CENPF: variants seen among roughly 807,000 people sequenced by gnomAD.
The protein encoded by CENPF is AH antigen.
A neutral mutation model predicts 307.3 loss-of-function variants in CENPF; 214 were observed. That is an observed-to-expected ratio of 0.70 (90% CI 0.62 to 0.78). The LOEUF (loss-of-function observed/expected upper bound fraction) is 0.78, where lower values mean the gene tolerates loss of function less well. Among genes scored for constraint, CENPF ranks in the 30% least tolerant of loss-of-function variants. CENPF has a pLI of 0.00. For synonymous variants in CENPF, 1,259 were observed against 1,270.6 expected, an observed-to-expected ratio of 0.99 and a Z score of 0.19; for missense variants, 3,401 against 3,483.9, an observed-to-expected ratio of 0.98 and a Z score of 0.60.
chr1:214,652,742 T>C lies in CENPF; in HGVS notation c.8161-86T>C, dbSNP rs12061121. 7.5e-3 allele frequency: 8,917 copies of C among 1,189,396 alleles called. 514 individuals carry two copies. The African/African-American group carries it at 0.12, about 16-fold the overall frequency. The allele number at this position is 1,189,396 out of a possible 1,614,324, so 73.7% of individuals were successfully genotyped here. ...ACAGGTGTGAAACACTGCGCCCAGCTGTTTTTTGTTTTTCTGACTATTTTT... is the reference window on the plus strand; with the variant it reads ...ACAGGTGTGAAACACTGCGCCCAGCCGTTTTTTGTTTTTCTGACTATTTTT... On this transcript the variant is annotated intron_variant, in intron 15 of 19. Transcript: ENST00000366955.
chr1:214,604,466 T>A (rs531713386), intron 1 of CENPF, among the ~76,000 whole-genome samples: 1 of 152,310 alleles, frequency 6.6e-6, no homozygotes, highest in East Asian at 1.9e-4. Context: ...CAAAATCTGC[T>A]CTAATCACAG....
At chr1:214,616,833 TCC>T (rs1657352996) in intron 3 of CENPF, among the ~76,000 whole-genome samples, 3 of 147,810 alleles carry the variant, frequency 2.0e-5, no homozygotes, top group African/African-American at 5.1e-5. Flanking sequence ...TTTCCTTCCT[TCC>T]TCTTTCTTTC....
chr1:214,663,816 C>T lies in CENPF; in HGVS notation c.*22C>T. 1 of 1,595,402 alleles carries T rather than the reference C, an allele frequency of 6.3e-7. No individual in the cohort carries two copies. Among genetic ancestry groups the T allele is most frequent in the South Asian group, 1.1e-5 (1 of 90,016 alleles). Reference sequence around the variant, plus strand: ...GTGAAGGCACTTTGTGTGTCAGTACCCCTGGGAGGTGCCAGTCATTGAATA... The same window carrying T: ...GTGAAGGCACTTTGTGTGTCAGTACTCCTGGGAGGTGCCAGTCATTGAATA... On this transcript the variant is annotated 3_prime_UTR_variant, in exon 20 of 20. Transcript: ENST00000366955.
At position 214,652,068 on chromosome 1, in the gene CENPF, A is replaced by AT. The variant is rs35011701; in HGVS notation, c.8160+200dup. On this transcript the variant is annotated intron_variant, in intron 15 of 19. Coordinates refer to ENST00000366955, the MANE Select transcript of CENPF (RefSeq NM_016343.4). ...GGTCCCTCTCTTATTTTATCAGTTGATTTTTTTTTTTTTTTTTTGAGATGG... is the reference window on the plus strand; with the variant it reads ...GGTCCCTCTCTTATTTTATCAGTTGATTTTTTTTTTTTTTTTTTTGAGATGG... Among the ~76,000 whole-genome samples the AT allele has an allele frequency of 0.098, 12,446 of 127,028 alleles. 784 individuals are homozygous for AT. The highest frequency in any genetic ancestry group is 0.13 in the Non-Finnish European group (8,130 of 60,250). The allele number at this position is 127,028 out of a possible 152,430, so 83.3% of individuals were successfully genotyped here.
At chr1:214,657,979 T>A (rs954939911) in intron 18 of CENPF, among the ~76,000 whole-genome samples, 147 of 152,352 alleles carry the variant, frequency 9.6e-4, no homozygotes, top group African/African-American at 3.4e-3. Context: ...TCCAAGCACA[T>A]ATCATGTTTT....
At position 214,622,276 on chromosome 1, in the gene CENPF, A is replaced by G. The variant is rs753110025; in HGVS notation, c.1063A>G (p.Thr355Ala). ...AACAGCACAATACGACCAGGCGTCA[A>G]CCAAGGTACTTGACTTTTCGTGAAT... ...RTTAQYDQAS[T>A]KYTALEQKLK... The change falls in exon 7 of 20, where the codon ACC (threonine) becomes GCC (alanine). Residue 355 changes from threonine to alanine, a missense_variant. Transcript: ENST00000366955. The G allele has an allele frequency of 2.5e-6, 4 of 1,602,814 alleles. No individual in the cohort carries two copies. The highest frequency in any genetic ancestry group is 3.4e-6 in the Non-Finnish European group (4 of 1,176,474).
At chr1:214,619,421 G>A (rs1318721674) in intron 5 of CENPF, among the ~76,000 whole-genome samples, 2 of 152,114 alleles carry the variant, frequency 1.3e-5, no homozygotes, top group African/African-American at 4.8e-5. Context: ...ATAGAGTGGG[G>A]AGGTTAGTTT....
At chr1:214,608,384 T>A (rs1229060305) in intron 1 of CENPF, 1 of 1,613,364 alleles carries the variant, frequency 6.2e-7, no homozygotes. Flanking sequence ...CTACCCGAGC[T>A]GGCACCGTAG....
At chr1:214,628,416 A>G (rs1657714626) in intron 7 of CENPF, among the ~76,000 whole-genome samples, 2 of 151,892 alleles carry the variant, frequency 1.3e-5, no homozygotes, top group African/African-American at 2.4e-5. Flanking sequence ...TAAACTTTGA[A>G]CCATCATTTG....
chr1:214,645,792 C>T lies in CENPF; in HGVS notation c.6222C>T (p.Ser2074=). The change falls in exon 13 of 20, where the codon AGC becomes AGT. Residue 2074 remains serine, a synonymous_variant. Coordinates refer to ENST00000366955, the MANE Select transcript of CENPF (RefSeq NM_016343.4). ...EKELLVKESE[S]LQARLSESDY... ...AATTGCTTGTCAAGGAATCTGAAAGCCTGCAGGCCAGACTGAGTGAATCAG... is the reference window on the plus strand; with the variant it reads ...AATTGCTTGTCAAGGAATCTGAAAGTCTGCAGGCCAGACTGAGTGAATCAG... The T allele has an allele frequency of 6.2e-7, 1 of 1,614,136 alleles. No homozygotes were observed. Among genetic ancestry groups the T allele is most frequent in the Non-Finnish European group, 8.5e-7 (1 of 1,180,026 alleles).
At chr1:214,631,502 T>G (rs750110242) in intron 9 of CENPF, among the ~76,000 whole-genome samples, 4 of 151,654 alleles carry the variant, frequency 2.6e-5, no homozygotes, top group African/African-American at 9.8e-5. Context: ...TGTTTGTTTG[T>G]TTTGTTTTGT....
chr1:214,627,744 C>G (rs1657695012), intron 7 of CENPF, among the ~76,000 whole-genome samples: 1 of 152,128 alleles, frequency 6.6e-6, no homozygotes, highest in East Asian at 1.9e-4. Flanking sequence ...GCTAGAAATC[C>G]ATTTAACTGA....
intron 1 of CENPF, chr1:214,613,367 C>A: frequency 4.7e-6 from 1 of 212,752 alleles, no homozygotes; most frequent in Non-Finnish European, 9.6e-6. Flanking sequence ...CTTCGAGAGA[C>A]TTTTACTCCT....
chr1:214,624,966 G>A (rs1057416375), intron 7 of CENPF, among the ~76,000 whole-genome samples: 1 of 151,820 alleles, frequency 6.6e-6, no homozygotes, highest in African/African-American at 2.4e-5. Context: ...AGCTCTGTTG[G>A]TGAAGGCATA....
rs993306814 is a variant in CENPF, at chr1:214,630,879, T to C, written c.1323+217T>C. 1.5e-4 allele frequency among the ~76,000 whole-genome samples: 23 copies of C among 152,230 alleles called. 1 individual carries two copies. The highest frequency in any genetic ancestry group is 1.4e-3 in the Admixed American group (22 of 15,286). On this transcript the variant is annotated intron_variant, in intron 9 of 19. Transcript: ENST00000366955. ...AGTTAGGATTTCAGATCCGAAAGTCTGTGGAGCTCTCTCATAATCTGTTGG... is the reference window on the plus strand; with the variant it reads ...AGTTAGGATTTCAGATCCGAAAGTCCGTGGAGCTCTCTCATAATCTGTTGG...
intron 10 of CENPF, among the ~76,000 whole-genome samples, chr1:214,633,751 T>C (rs1657874539): frequency 6.6e-6 from 1 of 152,146 alleles, no homozygotes; most frequent in Non-Finnish European, 1.5e-5. Flanking sequence ...GGAAGAAAAC[T>C]TCAAATCAGA....
rs935239756 is a variant in CENPF, at chr1:214,645,738, C to T, written c.6168C>T (p.Asn2056=). ...ALSLTKCELE[N]QIAQLNKEKE... is the part of the protein sequence containing the mutation. Reference sequence around the variant, plus strand: ...CTTTGACAAAATGTGAGCTGGAAAACCAAATTGCACAACTGAATAAAGAGA... The same window carrying T: ...CTTTGACAAAATGTGAGCTGGAAAATCAAATTGCACAACTGAATAAAGAGA... The change falls in exon 13 of 20, where the codon AAC becomes AAT. Residue 2056 remains asparagine, a synonymous_variant. Coordinates refer to ENST00000366955, the MANE Select transcript of CENPF (RefSeq NM_016343.4). The T allele has an allele frequency of 6.2e-7, 1 of 1,613,988 alleles. No homozygotes were observed. The highest frequency in any genetic ancestry group is 8.5e-7 in the Non-Finnish European group (1 of 1,180,030).
intron 16 of CENPF, 126 bp downstream of exon 16, chr1:214,653,115 C>T (rs891022113): frequency 2.3e-6 from 2 of 861,346 alleles, no homozygotes; most frequent in Non-Finnish European, 3.9e-6. Flanking sequence ...AAAATGATGT[C>T]ATTCATCAGT....
At chr1:214,626,417 A>G (rs996936787) in intron 7 of CENPF, among the ~76,000 whole-genome samples, 6 of 152,220 alleles carry the variant, frequency 3.9e-5, no homozygotes, top group Non-Finnish European at 7.3e-5. Flanking sequence ...AGTAAAAATC[A>G]GGTTCATTTT....
Sources: gnomAD v4.1 joint callset for allele counts (sites outside exome capture counted in the v4.1 genomes callset) on GRCh38, gnomAD v4.1.1 for gene constraint, MANE v1.5 for transcripts, NCBI Gene and HGNC (gene_info 2026-07-23, HGNC 2026-07-21) for gene names.